The following RAD54L2 variants were observed in gnomAD, a reference collection of about 807,000 sequenced individuals.
RAD54L2 encodes RAD54 like 2.
RAD54L2 carries 27 observed loss-of-function variants against 138.4 expected under a neutral mutation model. The observed-to-expected ratio is 0.20, with a 90% CI of 0.14 to 0.27. The LOEUF (loss-of-function observed/expected upper bound fraction) is 0.27, where lower values mean the gene tolerates loss of function less well. Among genes scored for constraint, RAD54L2 ranks in the 10% least tolerant of loss-of-function variants. RAD54L2 has a pLI of 1.00. For synonymous variants in RAD54L2, 644 were observed against 723.2 expected (o/e 0.89, Z 1.76); for missense variants, 1,396 against 1,890.2 (o/e 0.74, Z 4.85).
At chr3:51,607,077 T>C (rs1307230270) in intron 3 of RAD54L2, among the ~76,000 whole-genome samples, 1 of 148,910 alleles carries the variant, frequency 6.7e-6, no homozygotes, top group East Asian at 2.0e-4. Flanking sequence ...TATTTTTTTT[T>C]ATTTTTTTAT....
chr3:51,650,228 A>G (rs1028860428), intron 19 of RAD54L2, among the ~76,000 whole-genome samples: 5 of 152,252 alleles, frequency 3.3e-5, no homozygotes, highest in Admixed American at 2.6e-4. Context: ...TGCAACAAGA[A>G]GAGCTAACTA....
At position 51,637,156 on chromosome 3, in the gene RAD54L2, C is replaced by A. The variant is rs1157954306; in HGVS notation, c.1340-5C>A. 1 of 1,572,524 alleles carries A rather than the reference C, an allele frequency of 6.4e-7. No individual in the cohort carries two copies. The highest frequency in any genetic ancestry group is 1.4e-5 in the African/African-American group (1 of 73,990). On this transcript the variant is annotated splice_region_variant and splice_polypyrimidine_tract_variant and intron_variant, in intron 10 of 22. Transcript: ENST00000684192. The surrounding 1 kb of genome is among the most constrained non-coding windows in gnomAD (Gnocchi z 5.9). The stretch of plus-strand genomic sequence containing the variant: ...CTCTGACTCCGGATCCTCTTCCCTC[C>A]CTAGAGTTTGAGAAGGCTTTATGCC...
intron 2 of RAD54L2, among the ~76,000 whole-genome samples, chr3:51,580,815 A>C (rs1699589369): frequency 6.6e-6 from 1 of 152,212 alleles, no homozygotes; most frequent in Non-Finnish European, 1.5e-5. Flanking sequence ...TCCTGTCTTG[A>C]AGCTAAGTGC....
intron 20 of RAD54L2, 59 bp from the exon 21 acceptor site, chr3:51,657,521 T>C: frequency 2.5e-6 from 3 of 1,189,558 alleles, no homozygotes; most frequent in South Asian, 2.6e-5. Flanking sequence ...TTTGCAATTT[T>C]CCCCCCTCCT....
At chr3:51,646,736 A>G (rs1701289551) in intron 19 of RAD54L2, among the ~76,000 whole-genome samples, 1 of 152,064 alleles carries the variant, frequency 6.6e-6, no homozygotes, top group African/African-American at 2.4e-5. Flanking sequence ...CCTGGGTAGG[A>G]GACGGGGATA....
In RAD54L2 at chr3:51,637,750, A is replaced by C. The variant is rs2106811129; in HGVS notation, c.1682+247A>C. ...TAAAGGTACTGGAGACACCTGTCTT[A>C]CTTGCTGAGAGAAGCAAGAAAAAGG... is the stretch of plus-strand genomic sequence containing the variant. On this transcript the variant is annotated intron_variant, in intron 11 of 22. Coordinates refer to ENST00000684192, the MANE Select transcript of RAD54L2 (RefSeq NM_015106.4). The surrounding 1 kb of genome is among the most constrained non-coding windows in gnomAD (Gnocchi z 5.9). Among the ~76,000 whole-genome samples the C allele has an allele frequency of 6.6e-6, 1 of 152,366 alleles. No homozygotes were observed. Among genetic ancestry groups the C allele is most frequent in the South Asian group, 2.1e-4 (1 of 4,832 alleles).
chr3:51,667,858 T>C lies in RAD54L2; in HGVS notation c.*4438T>C, dbSNP rs184290704. 6.6e-6 allele frequency: 1 copy of C among 152,384 alleles called. No individual in the cohort carries two copies. Among genetic ancestry groups the C allele is most frequent in the Non-Finnish European group, 1.5e-5 (1 of 68,092 alleles). 9.4% of individuals were successfully genotyped at this position (152,384 alleles called of 1,614,324 possible). On this transcript the variant is annotated 3_prime_UTR_variant, in exon 23 of 23. Coordinates refer to ENST00000684192, the MANE Select transcript of RAD54L2 (RefSeq NM_015106.4). ...TCTTTGCTCTTCAGGGACCTGAGTG[T>C]GCACCTTTCCCTTTTGCAGGTCTAT...
At chr3:51,624,453 T>C (rs974140787) in intron 3 of RAD54L2, among the ~76,000 whole-genome samples, 1 of 152,052 alleles carries the variant, frequency 6.6e-6, no homozygotes, top group Non-Finnish European at 1.5e-5. Flanking sequence ...AGAGATGGGG[T>C]TTTGCTATGT....
Position 51,635,707 on chromosome 3 carries a change from T to C in RAD54L2, c.1257T>C (p.Gly419=). Residue 419 remains glycine (G), a synonymous_variant, in exon 10 of 23, where the codon GGT becomes GGC. Coordinates refer to ENST00000684192, the MANE Select transcript of RAD54L2 (RefSeq NM_015106.4). The stretch of plus-strand genomic sequence containing the variant: ...CTCTGAAGAAATCATTTGCCACAGG[T>C]AGACCGAAGAAAACCAAGAAGCGTT... ...LLTLKKSFAT[G]RPKKTKKRSH... is the part of the protein sequence containing the mutation. 6.2e-7 allele frequency: 1 copy of C among 1,613,788 alleles called. No homozygotes were observed. Among genetic ancestry groups the C allele is most frequent in the Non-Finnish European group, 8.5e-7 (1 of 1,179,848 alleles).
chr3:51,626,033 A>C (rs1296751920), intron 3 of RAD54L2, among the ~76,000 whole-genome samples: 1 of 152,040 alleles, frequency 6.6e-6, no homozygotes, highest in African/African-American at 2.4e-5. Flanking sequence ...ATCCCAATAA[A>C]GTCTATAGTT....
At chr3:51,600,072 A>G (rs1358233407) in intron 3 of RAD54L2, among the ~76,000 whole-genome samples, 4 of 151,920 alleles carry the variant, frequency 2.6e-5, no homozygotes, top group Non-Finnish European at 4.4e-5. Flanking sequence ...GGGACTGACT[A>G]TGGGCACCTG....
Position 51,657,686 on chromosome 3 carries a change from G to T in RAD54L2, c.3316+17G>T. 1 of 1,516,674 alleles carries T rather than the reference G, an allele frequency of 6.6e-7. No individual in the cohort carries two copies. The allele number at this position is 1,516,674 out of a possible 1,614,324, so 94.0% of individuals were successfully genotyped here. A position where few individuals can be genotyped will look rare whatever the true frequency, so the allele number is the denominator to read the frequency against. Reference sequence around the variant, plus strand: ...GGACAAAAGGTAAGAGCCTGACCAAGGACCTGTTCCCTGCCTTTGGTTGAG... The same window carrying T: ...GGACAAAAGGTAAGAGCCTGACCAATGACCTGTTCCCTGCCTTTGGTTGAG... On this transcript the variant is annotated intron_variant, in intron 21 of 22. Transcript: ENST00000684192.
intron 16 of RAD54L2, 145 bp from the exon 17 acceptor site, chr3:51,644,879 T>C: frequency 1.3e-6 from 1 of 762,864 alleles, no homozygotes; most frequent in Non-Finnish European, 2.2e-6. Context: ...GTACTGTTTA[T>C]CAGCAGGACA....
chr3:51,621,015 T>TAA (rs1043085630), intron 3 of RAD54L2, among the ~76,000 whole-genome samples: 1 of 147,670 alleles, frequency 6.8e-6, no homozygotes, highest in East Asian at 2.0e-4. Flanking sequence ...GTTCAGAAGG[T>TAA]AAAAAAAAAA....
At chr3:51,660,754 TG>T (rs1446200725) in intron 22 of RAD54L2, among the ~76,000 whole-genome samples, 1 of 151,768 alleles carries the variant, frequency 6.6e-6, no homozygotes, top group Non-Finnish European at 1.5e-5. Context: ...CCTGAGTAGC[TG>T]AGATTACAGA....
chr3:51,627,469 G>T lies in RAD54L2; in HGVS notation c.140-84G>T, dbSNP rs142466440. 5.2e-3 allele frequency: 6,897 copies of T among 1,332,180 alleles called. 25 individuals carry two copies. Among genetic ancestry groups the T allele is most frequent in the Non-Finnish European group, 6.3e-3 (6,034 of 951,842 alleles). 82.5% of individuals were successfully genotyped at this position (1,332,180 alleles called of 1,614,324 possible). ...TTACCAGCTAATAAGTTGCTGAGTT[G>T]AGATTTGAACCCAGGTGTGTCTGTC... On this transcript the variant is annotated intron_variant, in intron 3 of 22. Transcript: ENST00000684192.
At chr3:51,545,276 C>T (rs1698661335) in intron 2 of RAD54L2, among the ~76,000 whole-genome samples, 1 of 152,122 alleles carries the variant, frequency 6.6e-6, no homozygotes, top group Non-Finnish European at 1.5e-5. Context: ...ACTGCAACCT[C>T]TGCCTCCCGG....
intron 3 of RAD54L2, among the ~76,000 whole-genome samples, chr3:51,592,735 C>T (rs1273081991): frequency 2.0e-5 from 3 of 152,006 alleles, no homozygotes; most frequent in East Asian, 1.9e-4. Context: ...CCACCATGCC[C>T]AGCTAATTTT....
intron 10 of RAD54L2, among the ~76,000 whole-genome samples, chr3:51,636,643 ATAAAG>A (rs972483098): frequency 3.9e-5 from 6 of 152,270 alleles, no homozygotes; most frequent in African/African-American, 1.4e-4. Flanking sequence ...ATAAAGAAAA[ATAAAG>A]TAAGGAAAGG....
Sources: allele counts gnomAD v4.1 joint callset (sites outside exome capture counted in the v4.1 genomes callset), GRCh38; gene constraint gnomAD v4.1.1; non-coding constraint Gnocchi (gnomAD v3.1); transcripts MANE v1.5; gene names NCBI Gene and HGNC (gene_info 2026-07-23, HGNC 2026-07-21).